Variants in C13orf42 observed in about 807,000 individuals in gnomAD.
C13orf42 encodes uncharacterized protein C13orf42.
chr13:51,143,158 TAAACACTGAC>T (rs1953708538), intron 1 of C13orf42, among the ~76,000 whole-genome samples: 1 of 152,158 alleles, frequency 6.6e-6, no homozygotes, highest in Non-Finnish European at 1.5e-5. Flanking sequence ...TGCTAAATCT[TAAACACTGAC>T]AGCAATTAAA....
intron 1 of C13orf42, among the ~76,000 whole-genome samples, chr13:51,130,642 A>G (rs1324252684): frequency 6.6e-6 from 1 of 152,000 alleles, no homozygotes; most frequent in Non-Finnish European, 1.5e-5. Flanking sequence ...CCTGGGACAC[A>G]TGGAGTTAGA....
exon 1 of C13orf42, chr13:51,172,278 G>A (rs2138058583): frequency 6.6e-6 from 1 of 152,164 alleles, no homozygotes; most frequent in Non-Finnish European, 1.5e-5. Context: ...AGAGCCCCTG[G>A]AACTCTGGCC....
intron 1 of C13orf42, among the ~76,000 whole-genome samples, chr13:51,119,009 T>C (rs967708767): frequency 1.3e-5 from 2 of 151,942 alleles, no homozygotes; most frequent in African/African-American, 4.8e-5. Context: ...GTGTACGGCA[T>C]GCCCAAGAGT....
At chr13:51,085,184 A>AATATATATATATATATATATAT (rs57050801) in intron 3 of C13orf42, 135 bp downstream of exon 3, 16 of 190,536 alleles carry the variant, frequency 8.4e-5, no homozygotes, top group Middle Eastern at 2.1e-3. Context: ...AGCAACAACA[A>AATATATATATATATATATATAT]ATATATATAT....
At chr13:51,101,825 T>A (rs1593533301) in intron 1 of C13orf42, among the ~76,000 whole-genome samples, 1 of 152,300 alleles carries the variant, frequency 6.6e-6, no homozygotes, top group East Asian at 1.9e-4. Flanking sequence ...ATTGTGGATG[T>A]GAGAAAAGGC....
At chr13:51,106,150 T>C (rs1210698772) in intron 1 of C13orf42, among the ~76,000 whole-genome samples, 3 of 152,196 alleles carry the variant, frequency 2.0e-5, no homozygotes, top group Non-Finnish European at 2.9e-5. Flanking sequence ...CAGGTAGCCA[T>C]GTGAAAAGAA....
chr13:51,105,732 T>TC (rs1953346436), intron 1 of C13orf42, among the ~76,000 whole-genome samples: 1 of 152,216 alleles, frequency 6.6e-6, no homozygotes, highest in South Asian at 2.1e-4. Flanking sequence ...TGATTTTTTT[T>TC]CTCTCCTGAT....
At position 51,084,323 on chromosome 13, in the gene C13orf42, A is replaced by G. The variant is rs1332329491; in HGVS notation, c.806T>C (p.Leu269Pro). The G allele has an allele frequency of 2.5e-6, 1 of 398,774 alleles. No homozygotes were observed. The highest frequency in any genetic ancestry group is 4.4e-6 in the Non-Finnish European group (1 of 226,154). The allele number at this position is 398,774 out of a possible 1,614,324, so 24.7% of individuals were successfully genotyped here. ...GAAAAGGATCTGTCTGGAGCTCCCCAGGCTAGAAGGAAGGAATGAGGCAGG... is the reference window on the plus strand; with the variant it reads ...GAAAAGGATCTGTCTGGAGCTCCCCGGGCTAGAAGGAAGGAATGAGGCAGG... Reference protein sequence around the residue: ...KFKPKACKKDLGSSRQILFNF... With the variant: ...KFKPKACKKDPGSSRQILFNF... Residue 269 changes from leucine (L) to proline (P), a missense_variant and splice_region_variant, in exon 4 of 4, where the codon CTG (leucine) becomes CCG (proline). Physicochemically the swap from Leu to Pro is moderately conservative, Grantham distance 98 (BLOSUM62 -3). Coordinates refer to ENST00000563710, the MANE Select transcript of C13orf42 (RefSeq NM_001351589.3).
intron 1 of C13orf42, among the ~76,000 whole-genome samples, chr13:51,137,565 ACT>A (rs1338594692): frequency 2.0e-5 from 3 of 151,498 alleles, no homozygotes; most frequent in Admixed American, 6.6e-5. Flanking sequence ...TTTGTCTCCC[ACT>A]CTCTGGAGCC....
At chr13:51,149,184 TCTCTG>T (rs1435776699) in intron 1 of C13orf42, among the ~76,000 whole-genome samples, 5 of 152,106 alleles carry the variant, frequency 3.3e-5, no homozygotes, top group African/African-American at 1.2e-4. Flanking sequence ...GGGTTCTTGA[TCTCTG>T]CAGCTAAAGA....
chr13:51,147,661 A>T (rs1482668235), intron 1 of C13orf42, among the ~76,000 whole-genome samples: 1 of 151,910 alleles, frequency 6.6e-6, no homozygotes, highest in East Asian at 1.9e-4. Context: ...CCCGGGAGGC[A>T]GAGGTTGCAG....
chr13:51,152,739 A>G (rs1235906897), intron 1 of C13orf42, among the ~76,000 whole-genome samples: 2 of 152,160 alleles, frequency 1.3e-5, no homozygotes, highest in Non-Finnish European at 2.9e-5. Context: ...CTGAGCCTCA[A>G]TTTACTTCTA....
chr13:51,137,325 T>A (rs1953665157), intron 1 of C13orf42, among the ~76,000 whole-genome samples: 1 of 151,958 alleles, frequency 6.6e-6, no homozygotes, highest in South Asian at 2.1e-4. Context: ...AGATGTGGGG[T>A]CTGTGCAACC....
chr13:51,148,290 C>T (rs116885545), intron 1 of C13orf42, among the ~76,000 whole-genome samples: 1,964 of 152,340 alleles, frequency 0.013, 17 homozygotes, highest in Middle Eastern at 0.027. Flanking sequence ...GACAAGGGAG[C>T]GCCTGCCCTG....
chr13:51,095,176 G>T (rs1953218893), intron 1 of C13orf42, among the ~76,000 whole-genome samples: 1 of 152,060 alleles, frequency 6.6e-6, no homozygotes, highest in Non-Finnish European at 1.5e-5. Context: ...CAACTCCATT[G>T]TTTCCTGGCT....
chr13:51,149,456 G>C (rs1953763516), intron 1 of C13orf42, among the ~76,000 whole-genome samples: 1 of 152,118 alleles, frequency 6.6e-6, no homozygotes, highest in Non-Finnish European at 1.5e-5. Context: ...AGCTAGAAAT[G>C]ATTTCTCTAA....
chr13:51,165,784 G>A lies in C13orf42; in HGVS notation n.136+6469C>T, dbSNP rs74085991. Among the ~76,000 whole-genome samples the A allele has an allele frequency of 3.6e-3, 553 of 152,260 alleles. 5 individuals are homozygous for A. The highest frequency in any genetic ancestry group is 0.013 in the African/African-American group (524 of 41,538). ...CATACAGTGGTTACAGATAGAAAACGAGAGGAGATTCTGCTGATCTCTTCC... is the reference window on the plus strand; with the variant it reads ...CATACAGTGGTTACAGATAGAAAACAAGAGGAGATTCTGCTGATCTCTTCC... On this transcript the variant is annotated intron_variant and non_coding_transcript_variant, in intron 1 of 4. Coordinates refer to the C13orf42 transcript ENST00000433280.
chr13:51,160,455 G>A (rs1314316098), intron 1 of C13orf42, among the ~76,000 whole-genome samples: 1 of 152,240 alleles, frequency 6.6e-6, no homozygotes, highest in Non-Finnish European at 1.5e-5. Context: ...GTTGCAGTGA[G>A]CCGTGATTGC....
In C13orf42 at chr13:51,171,636, C is replaced by T. The variant is rs949677953; in HGVS notation, n.136+617G>A. 9.8e-5 allele frequency among the ~76,000 whole-genome samples: 15 copies of T among 152,292 alleles called. No individual in the cohort carries two copies. In the South Asian group the frequency reaches 2.7e-3, roughly 27 times the overall value. ...TTTTTATCACCTCCCCTCCTCACAC[C>T]TGGTCGGGCTTACAGTTTCGTTCGG... On this transcript the variant is annotated intron_variant and non_coding_transcript_variant, in intron 1 of 4. Transcript: ENST00000433280.
Sources: gnomAD v4.1 joint callset for allele counts (sites outside exome capture counted in the v4.1 genomes callset) on GRCh38, gnomAD v4.1.1 for gene constraint, MANE v1.5 for transcripts, NCBI Gene and HGNC (gene_info 2026-07-23, HGNC 2026-07-21) for gene names.